CFAP97: variants seen among roughly 807,000 people sequenced by gnomAD.
The protein encoded by CFAP97 is cilia- and flagella-associated protein 97.
In CFAP97, 36 loss-of-function variants were observed where a neutral mutation model predicts 43.1. The ratio of observed to expected loss-of-function variants is 0.84; its 90% confidence interval spans 0.64 to 1.10. CFAP97 has a LOEUF of 1.10. Among genes scored for constraint, CFAP97 ranks in the 50% least tolerant of loss-of-function variants. CFAP97 has a pLI of 0.00. For synonymous variants in CFAP97, 228 were observed against 225.7 expected, an observed-to-expected ratio of 1.01 and a Z score of -0.09; for missense variants, 657 against 620.3, an observed-to-expected ratio of 1.06 and a Z score of -0.63.
rs3108237 is a variant in CFAP97 at position 185,190,957 on chromosome 4, G to A, written c.240C>T (p.Pro80=). The change falls in exon 2 of 5, where the codon CCC becomes CCT. Residue 80 remains proline (P), a synonymous_variant. Coordinates refer to ENST00000458385, the MANE Select transcript of CFAP97 (RefSeq NM_020827.3). ...CAGTTTGTGTAACATCATTCTCTAC[G>A]GGGTGTTCTGGGGGAAATTTCACGT... ...ERNVKFPPEH[P]VENDVTQTVS... 878,525 of 1,612,444 alleles carry A rather than the reference G, an allele frequency of 0.54. 240,224 individuals carry two copies. Among genetic ancestry groups the A allele is most frequent in the East Asian group, 0.64 (28,602 of 44,850 alleles).
chr4:185,207,415 G>C (rs1737235511), upstream of CFAP97, among the ~76,000 whole-genome samples: 1 of 151,598 alleles, frequency 6.6e-6, no homozygotes, highest in Admixed American at 6.6e-5. Context: ...ACGGGGTTTT[G>C]CCATGTTGAC....
chr4:185,191,060 TTATC>T lies in CFAP97; in HGVS notation c.133_136del (p.Asp45LysfsTer6), dbSNP rs1560870841. 2 of 1,613,494 alleles carry T rather than the reference TTATC, an allele frequency of 1.2e-6. No homozygotes were observed. The highest frequency in any genetic ancestry group is 1.7e-5 in the Admixed American group (1 of 59,994). ...GTTCGAATTTACATTTTTTGTATCT[TTATC>T]TATTCTTTCCTTTGGGTCATCATTT... is the stretch of plus-strand genomic sequence containing the variant. On this transcript the variant is annotated frameshift_variant, in exon 2 of 5. Coordinates refer to ENST00000458385, the MANE Select transcript of CFAP97 (RefSeq NM_020827.3). LOFTEE classifies it high-confidence loss of function.
rs550676751 is a variant in CFAP97, at chr4:185,194,785, G to A, written c.-16-3573C>T. On this transcript the variant is annotated intron_variant, in intron 1 of 4. Coordinates refer to ENST00000458385, the MANE Select transcript of CFAP97 (RefSeq NM_020827.3). ...ATTAATAATACAATTTACAGTTAAAGCAAAACTAGGGGAGAGGAGGCCATA... is the reference window on the plus strand; with the variant it reads ...ATTAATAATACAATTTACAGTTAAAACAAAACTAGGGGAGAGGAGGCCATA... Among the ~76,000 whole-genome samples, 19 of 152,286 alleles carry A rather than the reference G, an allele frequency of 1.2e-4. No individual in the cohort carries two copies. In the South Asian group the frequency reaches 3.5e-3, roughly 28 times the overall value.
intron 1 of CFAP97, among the ~76,000 whole-genome samples, chr4:185,202,596 T>C (rs1361808796): frequency 6.6e-6 from 1 of 151,902 alleles, no homozygotes; most frequent in Non-Finnish European, 1.5e-5. Context: ...CCAGTTTCCT[T>C]GATAGTTTCC....
chr4:185,162,972 G>GCC, intron 4 of CFAP97, 47 bp from the exon 5 acceptor site: 1 of 1,475,256 alleles, frequency 6.8e-7, no homozygotes, highest in East Asian at 2.4e-5. Context: ...CTCCTCACTT[G>GCC]AAGTCCAGAC....
At chr4:185,175,540 T>A (rs943623655) in intron 3 of CFAP97, among the ~76,000 whole-genome samples, 1 of 152,060 alleles carries the variant, frequency 6.6e-6, no homozygotes, top group Non-Finnish European at 1.5e-5. Flanking sequence ...CCTCCCAGAG[T>A]GCTAGAATTA....
intron 2 of CFAP97, 106 bp downstream of exon 2, chr4:185,190,030 TCATTCCC>T: frequency 1.4e-6 from 1 of 740,600 alleles, no homozygotes; most frequent in Non-Finnish European, 2.0e-6. Context: ...ATAATATCAA[TCATTCCC>T]AACAATAAAA....
chr4:185,176,036 T>A lies in CFAP97; in HGVS notation c.1070A>T (p.Asp357Val), dbSNP rs570390457. 6.3e-7 allele frequency: 1 copy of A among 1,593,846 alleles called. No homozygotes were observed. Among genetic ancestry groups the A allele is most frequent in the African/African-American group, 1.4e-5 (1 of 72,926 alleles). The change falls in exon 3 of 5, where the codon GAT becomes GTT. Residue 357 changes from aspartate (D) to valine (V), a missense_variant. Coordinates refer to ENST00000458385, the MANE Select transcript of CFAP97 (RefSeq NM_020827.3). ...NHLLKAFLQL[D>V]KKGPQKHHFD... ...GTGATGTTTTTGTGGTCCTTTTTTA[T>A]CTAATTGCAGAAAAGCTACAGAAAA...
intron 1 of CFAP97, among the ~76,000 whole-genome samples, chr4:185,199,319 C>T (rs1259077565): frequency 6.6e-6 from 1 of 151,984 alleles, no homozygotes; most frequent in Non-Finnish European, 1.5e-5. Context: ...TGCAGTGAGC[C>T]GCGATCCGGC....
intron 1 of CFAP97, among the ~76,000 whole-genome samples, chr4:185,202,365 A>C (rs866898851): frequency 1.5e-4 from 23 of 152,256 alleles, no homozygotes; most frequent in African/African-American, 5.3e-4. Flanking sequence ...CCTGGCCAAC[A>C]TGGCCAAACC....
chr4:185,205,064 G>A (rs1167146341), upstream of CFAP97, among the ~76,000 whole-genome samples: 1 of 152,246 alleles, frequency 6.6e-6, no homozygotes. Context: ...GTCCCGGGGA[G>A]TTCCAGTAAG....
At chr4:185,163,032 T>C (rs1734928014) in intron 4 of CFAP97, 107 bp from the exon 5 acceptor site, 5 of 985,012 alleles carry the variant, frequency 5.1e-6, no homozygotes, top group Non-Finnish European at 6.7e-6. Flanking sequence ...ATGCTATGAT[T>C]CTCGACTAGG....
intron 3 of CFAP97, among the ~76,000 whole-genome samples, chr4:185,173,314 G>A (rs985940232): frequency 6.9e-6 from 1 of 145,196 alleles, no homozygotes; most frequent in African/African-American, 2.5e-5. Context: ...AGTGAGCCGA[G>A]ATCACGTCAC....
At chr4:185,196,591 A>C (rs889308538) in intron 1 of CFAP97, among the ~76,000 whole-genome samples, 16 of 152,298 alleles carry the variant, frequency 1.1e-4, no homozygotes, top group African/African-American at 3.4e-4. Context: ...CATTCCTGAG[A>C]GTCTCAGGCA....
At chr4:185,173,173 C>T (rs1735373688) in intron 3 of CFAP97, among the ~76,000 whole-genome samples, 1 of 151,926 alleles carries the variant, frequency 6.6e-6, no homozygotes, top group Non-Finnish European at 1.5e-5. Context: ...ACCATCCTGG[C>T]TAACACGGTG....
intron 2 of CFAP97, among the ~76,000 whole-genome samples, chr4:185,184,523 T>G (rs1022348895): frequency 6.6e-6 from 1 of 152,180 alleles, no homozygotes; most frequent in Non-Finnish European, 1.5e-5. Flanking sequence ...CACTGTTGTG[T>G]CTGAAGGTGA....
At chr4:185,181,764 G>C (rs141527263) in intron 2 of CFAP97, among the ~76,000 whole-genome samples, 1 of 152,290 alleles carries the variant, frequency 6.6e-6, no homozygotes, top group Non-Finnish European at 1.5e-5. Flanking sequence ...TTAAATGTTT[G>C]GCAATACTTG....
chr4:185,162,110 A>T lies in CFAP97; in HGVS notation c.*688T>A, dbSNP rs1380612244. On this transcript the variant is annotated 3_prime_UTR_variant, in exon 5 of 5. Coordinates refer to ENST00000458385, the MANE Select transcript of CFAP97 (RefSeq NM_020827.3). ...ACTTTACCTGAATGCATGAAAACAC[A>T]AAAGGGAAGCTTCTAAGTTGAACTT... 2.0e-5 allele frequency: 3 copies of T among 152,262 alleles called. No individual in the cohort carries two copies. Among genetic ancestry groups the T allele is most frequent in the Non-Finnish European group, 4.4e-5 (3 of 68,056 alleles). The allele number at this position is 152,262 out of a possible 1,614,324, so 9.4% of individuals were successfully genotyped here. A position where few individuals can be genotyped will look rare whatever the true frequency, so the allele number is the denominator to read the frequency against.
In CFAP97 at chr4:185,162,128, T is replaced by C. The variant is rs2111304386; in HGVS notation, c.*670A>G. On this transcript the variant is annotated 3_prime_UTR_variant, in exon 5 of 5. Transcript: ENST00000458385. ...AAAACACAAAAGGGAAGCTTCTAAG[T>C]TGAACTTTCTAATATTCATATTTGA... The C allele has an allele frequency of 6.6e-6, 1 of 152,340 alleles. No homozygotes were observed. The highest frequency in any genetic ancestry group is 2.1e-4 in the South Asian group (1 of 4,822). 9.4% of individuals were successfully genotyped at this position (152,340 alleles called of 1,614,324 possible). A position where few individuals can be genotyped will look rare whatever the true frequency, so the allele number is the denominator to read the frequency against.
Sources: allele counts gnomAD v4.1 joint callset (sites outside exome capture counted in the v4.1 genomes callset), GRCh38; gene constraint gnomAD v4.1.1; transcripts MANE v1.5; gene names NCBI Gene and HGNC (gene_info 2026-07-23, HGNC 2026-07-21).